The following NBEA variants were observed in gnomAD, a reference collection of about 807,000 sequenced individuals.
The protein encoded by NBEA is lysosomal-trafficking regulator 2.
In NBEA, 44 loss-of-function variants were observed where a neutral mutation model predicts 343.4. That is an observed-to-expected ratio of 0.13 (90% CI 0.10 to 0.16). The LOEUF is 0.16. NBEA is among the 10% of genes least tolerant of loss of function. The probability of loss-of-function intolerance (pLI) is 1.00; values close to 1 mark genes in which losing one functional copy is unlikely to be tolerated. For missense variants in NBEA, 2,555 were observed against 3,631.3 expected (o/e 0.70, Z 7.62); for synonymous variants, 1,175 against 1,238.7 (o/e 0.95, Z 1.08).
At chr13:35,443,981 A>C (rs913480811) in intron 39 of NBEA, among the ~76,000 whole-genome samples, 17 of 151,994 alleles carry the variant, frequency 1.1e-4, no homozygotes, top group African/African-American at 3.1e-4. Context: ...GTCAAACACA[A>C]AATTAAAATT....
At chr13:35,502,988 G>T (rs1366547389) in intron 41 of NBEA, among the ~76,000 whole-genome samples, 1 of 152,028 alleles carries the variant, frequency 6.6e-6, no homozygotes, top group East Asian at 1.9e-4. Flanking sequence ...CCTCCCCATG[G>T]ATTAAGTGAT....
intron 1 of NBEA, among the ~76,000 whole-genome samples, chr13:34,998,501 C>T (rs539606093): frequency 3.9e-5 from 6 of 152,206 alleles, no homozygotes; most frequent in African/African-American, 7.2e-5. Context: ...CAGCTAAGAC[C>T]GTAAGAGACA....
At chr13:35,151,794 G>A (rs764330195) in intron 18 of NBEA, among the ~76,000 whole-genome samples, 3 of 151,820 alleles carry the variant, frequency 2.0e-5, no homozygotes, top group East Asian at 1.9e-4. Context: ...ATATTATTTA[G>A]GAATTGTAAT....
At chr13:35,650,895 C>G in intron 52 of NBEA, among the ~76,000 whole-genome samples, 1 of 152,102 alleles carries the variant, frequency 6.6e-6, no homozygotes, top group East Asian at 1.9e-4. Context: ...TTTTACTGAC[C>G]TCTACATTGC....
chr13:35,002,735 T>C (rs1055277875), intron 1 of NBEA, among the ~76,000 whole-genome samples: 1 of 152,182 alleles, frequency 6.6e-6, no homozygotes, highest in Admixed American at 6.5e-5. Context: ...CAATGAGAAA[T>C]AAGTTTGTTT....
At chr13:35,137,926 A>C (rs1035168128) in intron 17 of NBEA, among the ~76,000 whole-genome samples, 1 of 152,176 alleles carries the variant, frequency 6.6e-6, no homozygotes, top group Non-Finnish European at 1.5e-5. Context: ...ATTAAAAAAA[A>C]CCTTTGATGC....
chr13:35,604,011 C>T (rs904051527), intron 47 of NBEA, among the ~76,000 whole-genome samples: 1 of 152,028 alleles, frequency 6.6e-6, no homozygotes, highest in Non-Finnish European at 1.5e-5. Context: ...TGATTGGATG[C>T]CAATACATGA....
chr13:35,195,279 C>A (rs1249833416), intron 30 of NBEA, among the ~76,000 whole-genome samples: 1 of 152,102 alleles, frequency 6.6e-6, no homozygotes, highest in African/African-American at 2.4e-5. Context: ...GTTATAGGAA[C>A]TATTTCCTGA....
At chr13:35,559,449 T>C (rs1007471836) in intron 44 of NBEA, among the ~76,000 whole-genome samples, 1 of 152,182 alleles carries the variant, frequency 6.6e-6, no homozygotes, top group African/African-American at 2.4e-5. Context: ...GATTTATCAT[T>C]TCTAGATAGG....
At chr13:35,400,215 A>T (rs990751486) in intron 38 of NBEA, among the ~76,000 whole-genome samples, 1 of 150,508 alleles carries the variant, frequency 6.6e-6, no homozygotes, top group Non-Finnish European at 1.5e-5. Context: ...AAAAAAAAAA[A>T]AAAAAAAAAG....
intron 41 of NBEA, among the ~76,000 whole-genome samples, chr13:35,511,690 C>T (rs951543905): frequency 6.6e-6 from 1 of 152,140 alleles, no homozygotes; most frequent in East Asian, 1.9e-4. Flanking sequence ...CAGCATTACA[C>T]TGTATCATAT....
chr13:35,361,013 A>C (rs1264632546), intron 38 of NBEA, among the ~76,000 whole-genome samples: 5 of 152,016 alleles, frequency 3.3e-5, no homozygotes, highest in Admixed American at 1.3e-4. Context: ...CAGAGATGAC[A>C]AACAGTATAA....
At chr13:35,535,990 G>A (rs935985046) in intron 41 of NBEA, among the ~76,000 whole-genome samples, 1 of 152,142 alleles carries the variant, frequency 6.6e-6, no homozygotes, top group Non-Finnish European at 1.5e-5. Context: ...ATGAGGTTAT[G>A]TTTCATTCTA....
At chr13:35,582,136 A>AT (rs1259260274) in intron 45 of NBEA, among the ~76,000 whole-genome samples, 4 of 151,892 alleles carry the variant, frequency 2.6e-5, no homozygotes, top group Non-Finnish European at 4.4e-5. Flanking sequence ...AATACAAAAA[A>AT]TTAGCTGGGC....
intron 41 of NBEA, among the ~76,000 whole-genome samples, chr13:35,507,295 C>T (rs9530648): frequency 0.13 from 19,414 of 151,948 alleles, 1,485 homozygotes; most frequent in East Asian, 0.43. Context: ...TGTCCCAAAG[C>T]TCAGTTCTTG....
intron 1 of NBEA, among the ~76,000 whole-genome samples, chr13:34,949,198 C>A (rs2059277602): frequency 6.6e-6 from 1 of 152,122 alleles, no homozygotes; most frequent in African/African-American, 2.4e-5. Context: ...CCTCCTCACC[C>A]AGTTTATTGT....
chr13:35,516,594 C>T (rs1205310057), intron 41 of NBEA, among the ~76,000 whole-genome samples: 1 of 152,168 alleles, frequency 6.6e-6, no homozygotes, highest in African/African-American at 2.4e-5. Context: ...CTCATCCAAT[C>T]TACATTCCAT....
At chr13:35,206,566 G>C (rs1010920238) in intron 31 of NBEA, among the ~76,000 whole-genome samples, 2 of 151,970 alleles carry the variant, frequency 1.3e-5, no homozygotes, top group Admixed American at 1.3e-4. Flanking sequence ...CCAAATATTG[G>C]CAAGTTCCTT....
rs1482007444 is a variant in NBEA, at chr13:35,003,133, A to G, written c.295-37800A>G. ...ACTTGAATCAACAGAAAACATAAAG[A>G]TGGTAAAAAGTTGGATATATTAATA... On this transcript the variant is annotated intron_variant, in intron 1 of 58. Transcript: ENST00000379939. Among the ~76,000 whole-genome samples, 4 of 152,154 alleles carry G rather than the reference A, an allele frequency of 2.6e-5. No homozygotes were observed. In the East Asian group the frequency reaches 5.8e-4, roughly 22 times the overall value.
Sources: gnomAD v4.1 joint callset for allele counts (sites outside exome capture counted in the v4.1 genomes callset) on GRCh38, gnomAD v4.1.1 for gene constraint, MANE v1.5 for transcripts, NCBI Gene and HGNC (gene_info 2026-07-23, HGNC 2026-07-21) for gene names.